Variants in ACSM5 observed in about 807,000 individuals in gnomAD.
ACSM5 encodes the protein acyl-CoA synthetase medium chain family member 5, also known as acyl-coenzyme A synthetase ACSM5, mitochondrial.
Under a neutral mutation model 71.6 loss-of-function variants are expected in ACSM5, and 56 were observed. The observed-to-expected ratio is 0.78, with a 90% confidence interval of 0.63 to 0.98. The LOEUF (loss-of-function observed/expected upper bound fraction) is 0.98. Ranked by LOEUF, ACSM5 falls within the 50% of genes least tolerant of loss-of-function variation. The pLI is 0.00. For synonymous variants in ACSM5, 285 were observed against 281.5 expected, an observed-to-expected ratio of 1.01 and a Z score of -0.12; for missense variants, 723 against 726.0, an observed-to-expected ratio of 1.00 and a Z score of 0.05.
intron 2 of ACSM5, among the ~76,000 whole-genome samples, chr16:20,414,346 C>T (rs1966852695): frequency 6.6e-6 from 1 of 152,076 alleles, no homozygotes; most frequent in Non-Finnish European, 1.5e-5. Context: ...TATGAGAAGG[C>T]AGGAGGGTCA....
chr16:20,436,611 C>G (rs1264408955), intron 10 of ACSM5, among the ~76,000 whole-genome samples: 2 of 152,150 alleles, frequency 1.3e-5, no homozygotes, highest in Admixed American at 1.3e-4. Context: ...CTCAAGTGAT[C>G]CACCCACCTC....
intron 10 of ACSM5, among the ~76,000 whole-genome samples, chr16:20,436,192 TTTC>T (rs1485004060): frequency 1.4e-5 from 2 of 142,412 alleles, no homozygotes; most frequent in Non-Finnish European, 3.1e-5. Flanking sequence ...TTCTTCTCTC[TTTC>T]TTTTCTTCCT....
At chr16:20,434,827 G>T (rs578179626) in intron 10 of ACSM5, among the ~76,000 whole-genome samples, 1 of 152,278 alleles carries the variant, frequency 6.6e-6, no homozygotes, top group Admixed American at 6.5e-5. Flanking sequence ...ATTACCATAA[G>T]TCTTCACATG....
At chr16:20,415,999 C>T (rs116788918) in intron 2 of ACSM5, among the ~76,000 whole-genome samples, 68 of 151,736 alleles carry the variant, frequency 4.5e-4, no homozygotes, top group African/African-American at 1.3e-3. Flanking sequence ...TCAAAAAGAA[C>T]GAAATACATA....
chr16:20,420,567 T>C (rs1256734622), intron 4 of ACSM5, among the ~76,000 whole-genome samples: 1 of 152,074 alleles, frequency 6.6e-6, no homozygotes, highest in Non-Finnish European at 1.5e-5. Context: ...GCCATTGCAC[T>C]CCAGCCTGGG....
chr16:20,436,271 C>T (rs1967197858), intron 10 of ACSM5, among the ~76,000 whole-genome samples: 1 of 146,778 alleles, frequency 6.8e-6, no homozygotes, highest in South Asian at 2.2e-4. Context: ...CCGTCCCCTC[C>T]CCTCCCCTTC....
intron 8 of ACSM5, among the ~76,000 whole-genome samples, chr16:20,430,465 G>A (rs12918801): frequency 0.086 from 13,091 of 151,834 alleles, 696 homozygotes; most frequent in East Asian, 0.19. Flanking sequence ...TTATGTTTGA[G>A]TGCCCACTGG....
chr16:20,439,482 C>T (rs891748923), intron 12 of ACSM5, among the ~76,000 whole-genome samples: 2 of 151,796 alleles, frequency 1.3e-5, no homozygotes, highest in African/African-American at 4.8e-5. Flanking sequence ...GTTTATGAAC[C>T]TCTTTTCTCC....
intron 4 of ACSM5, among the ~76,000 whole-genome samples, chr16:20,420,292 A>C (rs780980879): frequency 8.5e-5 from 13 of 152,106 alleles, no homozygotes; most frequent in Non-Finnish European, 1.9e-4. Context: ...AGCCCTGGGG[A>C]TCTTTTTTAA....
In ACSM5 at chr16:20,440,687, C is replaced by T; in HGVS notation, c.*260C>T. The T allele has an allele frequency of 2.4e-6, 1 of 415,862 alleles. No individual in the cohort carries two copies. The highest frequency in any genetic ancestry group is 4.6e-6 in the Non-Finnish European group (1 of 218,828). 25.8% of individuals were successfully genotyped at this position (415,862 alleles called of 1,614,324 possible). On this transcript the variant is annotated 3_prime_UTR_variant, in exon 14 of 14. Transcript: ENST00000331849. ...TCCCTCTGTCTGGGGGCAGGCTCAG[C>T]ATCTGCCCACTGGTCTCACTAAGAG...
In ACSM5 at chr16:20,431,249, T is replaced by G; in HGVS notation, c.1236T>G (p.Pro412=). 3.7e-6 allele frequency: 6 copies of G among 1,614,148 alleles called. No individual in the cohort carries two copies. Among genetic ancestry groups the G allele is most frequent in the Non-Finnish European group, 5.1e-6 (6 of 1,180,010 alleles). ...TGGATGATGAGGGCAACGTCCTGCC[T>G]CCTGGAGAAGAGGGGAATGTTGCCG... ...QIVDDEGNVL[P]PGEEGNVAVR... The change falls in exon 10 of 14, where the codon CCT becomes CCG. Residue 412 remains proline (P), a synonymous_variant. Transcript: ENST00000331849.
intron 5 of ACSM5, among the ~76,000 whole-genome samples, chr16:20,422,326 G>A (rs1256490722): frequency 6.6e-6 from 1 of 152,072 alleles, no homozygotes; most frequent in Non-Finnish European, 1.5e-5. Context: ...TGGCCAGGCT[G>A]GTCTCGAACT....
At chr16:20,432,781 A>G (rs1430470236) in intron 10 of ACSM5, among the ~76,000 whole-genome samples, 2 of 144,760 alleles carry the variant, frequency 1.4e-5, no homozygotes, top group Non-Finnish European at 1.5e-5. Flanking sequence ...CTAGACAACA[A>G]TCTAGTTTTT....
At chr16:20,415,364 G>T (rs1174167309) in intron 2 of ACSM5, among the ~76,000 whole-genome samples, 2 of 152,170 alleles carry the variant, frequency 1.3e-5, no homozygotes, top group Admixed American at 1.3e-4. Flanking sequence ...GAAGAGATTA[G>T]ACAAAGTTCC....
chr16:20,418,847 C>G (rs1966864749), intron 3 of ACSM5, among the ~76,000 whole-genome samples: 1 of 152,146 alleles, frequency 6.6e-6, no homozygotes, highest in African/African-American at 2.4e-5. Flanking sequence ...CATCATCCAG[C>G]TCCCAAAGGA....
intron 2 of ACSM5, among the ~76,000 whole-genome samples, chr16:20,412,760 A>T (rs2141638370): frequency 6.6e-6 from 1 of 152,356 alleles, no homozygotes; most frequent in South Asian, 2.1e-4. Context: ...TTCACCAAAA[A>T]GTGAAAAAAG....
At chr16:20,424,128 T>A (rs1389413199) in intron 6 of ACSM5, 59 bp downstream of exon 6, 12 of 1,586,626 alleles carry the variant, frequency 7.6e-6, no homozygotes, top group Non-Finnish European at 1.0e-5. Context: ...ATGAGTGGGA[T>A]ATAGATTTCA....
rs535178831 is a variant in ACSM5, at chr16:20,421,610, C to T, written c.767+209C>T. On this transcript the variant is annotated intron_variant, in intron 5 of 13. Transcript: ENST00000331849. ...AGCCATGGGAGGTTTCTTTTTAAAT[C>T]GTGGCTATATATATATATATATATA... is the stretch of plus-strand genomic sequence containing the variant. Among the ~76,000 whole-genome samples the T allele has an allele frequency of 1.2e-3, 97 of 80,148 alleles. No homozygotes were observed. The South Asian group carries it at 0.047, about 39-fold the overall frequency. The allele number at this position is 80,148 out of a possible 152,430, so 52.6% of individuals were successfully genotyped here. A position where few individuals can be genotyped will look rare whatever the true frequency, so the allele number is the denominator to read the frequency against.
intron 2 of ACSM5, among the ~76,000 whole-genome samples, chr16:20,414,841 G>T (rs1966853566): frequency 6.6e-6 from 1 of 152,162 alleles, no homozygotes; most frequent in Non-Finnish European, 1.5e-5. Context: ...AAAAAGAAAG[G>T]AGGAGTATGA....
Sources: gnomAD v4.1 joint callset for allele counts (sites outside exome capture counted in the v4.1 genomes callset) on GRCh38, gnomAD v4.1.1 for gene constraint, MANE v1.5 for transcripts, NCBI Gene and HGNC (gene_info 2026-07-23, HGNC 2026-07-21) for gene names.